MACROD2: variants seen among roughly 807,000 people sequenced by gnomAD.
The protein encoded by MACROD2 is ADP-ribose glycohydrolase MACROD2.
MACROD2 carries 36 observed loss-of-function variants against 70.4 expected under a neutral mutation model. That is an observed-to-expected ratio of 0.51 (90% CI 0.39 to 0.68). MACROD2 has a LOEUF of 0.68. Among genes scored for constraint, MACROD2 ranks in the 30% least tolerant of loss-of-function variants. The pLI is 0.00. For missense variants in MACROD2, 496 were observed against 538.4 expected (o/e 0.92, Z 0.78); for synonymous variants, 172 against 178.8 (o/e 0.96, Z 0.30).
intron 3 of MACROD2, among the ~76,000 whole-genome samples, chr20:14,104,827 G>A (rs1340793061): frequency 3.9e-5 from 6 of 152,148 alleles, no homozygotes; most frequent in African/African-American, 9.7e-5. Context: ...AAACAGCAGC[G>A]TTTATATTAG....
At chr20:15,126,208 T>C (rs992577045) in intron 5 of MACROD2, among the ~76,000 whole-genome samples, 1 of 150,044 alleles carries the variant, frequency 6.7e-6, no homozygotes, top group African/African-American at 2.4e-5. Flanking sequence ...TTATCCTGCA[T>C]ATACACCTAG....
chr20:14,662,725 T>C (rs1318543364), intron 4 of MACROD2, among the ~76,000 whole-genome samples: 1 of 151,686 alleles, frequency 6.6e-6, no homozygotes, highest in Admixed American at 6.5e-5. Context: ...ACAACAATCA[T>C]ATGAATAAAA....
intron 8 of MACROD2, among the ~76,000 whole-genome samples, chr20:15,781,966 A>G (rs2051841441): frequency 6.6e-6 from 1 of 152,264 alleles, no homozygotes; most frequent in Non-Finnish European, 1.5e-5. Flanking sequence ...GGCTAAAGAG[A>G]TAGATTACAG....
chr20:15,098,369 G>A (rs1450090850), intron 5 of MACROD2, among the ~76,000 whole-genome samples: 23 of 152,144 alleles, frequency 1.5e-4, no homozygotes, highest in Admixed American at 1.4e-3. Context: ...CTCTGTAGCT[G>A]CTCTCCTCAT....
intron 4 of MACROD2, among the ~76,000 whole-genome samples, chr20:14,676,626 A>T (rs558442575): frequency 1.3e-5 from 2 of 152,318 alleles, no homozygotes; most frequent in South Asian, 4.1e-4. Flanking sequence ...AAAGATCTAA[A>T]ATCGACACCC....
chr20:15,859,162 T>C (rs933958019), intron 8 of MACROD2, among the ~76,000 whole-genome samples: 2 of 152,020 alleles, frequency 1.3e-5, no homozygotes, highest in Admixed American at 1.3e-4. Context: ...GAGATGGAAG[T>C]GGATCATCAT....
At chr20:14,688,782 A>G (rs138451602) in intron 5 of MACROD2, among the ~76,000 whole-genome samples, 2 of 152,290 alleles carry the variant, frequency 1.3e-5, no homozygotes, top group Non-Finnish European at 2.9e-5. Flanking sequence ...AGATTTGTCT[A>G]TCTCAGTCAG....
intron 1 of MACROD2, among the ~76,000 whole-genome samples, chr20:14,000,978 G>A (rs1248828765): frequency 1.3e-5 from 2 of 152,048 alleles, no homozygotes; most frequent in African/African-American, 4.8e-5. Flanking sequence ...TGTTTACATT[G>A]TTTTGTTAGT....
intron 15 of MACROD2, among the ~76,000 whole-genome samples, chr20:16,030,659 G>A (rs894060613): frequency 6.6e-6 from 1 of 152,140 alleles, no homozygotes; most frequent in Non-Finnish European, 1.5e-5. Context: ...TGAAATGTAA[G>A]AACTAAGGAG....
chr20:15,243,285 A>G (rs994954109), intron 6 of MACROD2, among the ~76,000 whole-genome samples: 3 of 152,178 alleles, frequency 2.0e-5, no homozygotes, highest in African/African-American at 4.8e-5. Flanking sequence ...CCAATGCCCA[A>G]TGTATTTGAC....
rs569140916 is a variant in MACROD2 at position 15,861,427 on chromosome 20, A to G, written c.646-1318A>G. ...TATAGAAAATGCTAATGATAGGCAGATAGGACTGGACACCAGACACGAAAG... is the reference window on the plus strand; with the variant it reads ...TATAGAAAATGCTAATGATAGGCAGGTAGGACTGGACACCAGACACGAAAG... On this transcript the variant is annotated intron_variant, in intron 8 of 17. Coordinates refer to ENST00000684519, the MANE Select transcript of MACROD2 (RefSeq NM_001351661.2). 1.8e-4 allele frequency among the ~76,000 whole-genome samples: 28 copies of G among 152,344 alleles called. No individual in the cohort carries two copies. The East Asian group carries it at 3.9e-3, about 21-fold the overall frequency.
intron 4 of MACROD2, among the ~76,000 whole-genome samples, chr20:14,523,981 G>A (rs1366345278): frequency 6.6e-6 from 1 of 152,148 alleles, no homozygotes; most frequent in Non-Finnish European, 1.5e-5. Flanking sequence ...AGTTAATCTG[G>A]ACATTGTTCT....
chr20:16,028,421 G>A (rs2067109802), intron 15 of MACROD2, among the ~76,000 whole-genome samples: 1 of 148,884 alleles, frequency 6.7e-6, no homozygotes, highest in Admixed American at 6.7e-5. Context: ...TAAATACTGA[G>A]TTCTCTGTAG....
chr20:14,310,788 T>C (rs2082560446), intron 3 of MACROD2, among the ~76,000 whole-genome samples: 1 of 152,140 alleles, frequency 6.6e-6, no homozygotes, highest in Admixed American at 6.5e-5. Context: ...CCTGATCCTT[T>C]TTAGGCCTAG....
chr20:15,726,194 G>A (rs2050860088), intron 8 of MACROD2, among the ~76,000 whole-genome samples: 1 of 151,998 alleles, frequency 6.6e-6, no homozygotes, highest in Non-Finnish European at 1.5e-5. Context: ...TGGTTTTCTG[G>A]TTCTACGTTA....
At chr20:14,891,394 G>A (rs1298511342) in intron 5 of MACROD2, among the ~76,000 whole-genome samples, 1 of 152,090 alleles carries the variant, frequency 6.6e-6, no homozygotes, top group East Asian at 1.9e-4. Context: ...CTTGGTAATT[G>A]AAAGTAAGTC....
intron 5 of MACROD2, among the ~76,000 whole-genome samples, chr20:14,969,398 A>ACACG (rs1422674723): frequency 1.4e-5 from 2 of 144,228 alleles, no homozygotes; most frequent in Non-Finnish European, 3.0e-5. Flanking sequence ...ACACACACAC[A>ACACG]CACATATATA....
chr20:15,828,771 C>T (rs992835424), intron 8 of MACROD2, among the ~76,000 whole-genome samples: 6 of 152,146 alleles, frequency 3.9e-5, no homozygotes, highest in African/African-American at 9.7e-5. Context: ...TTCAGCAACA[C>T]GCTGCTTATA....
chr20:15,915,378 C>G (rs957316230), intron 10 of MACROD2, among the ~76,000 whole-genome samples: 2 of 152,022 alleles, frequency 1.3e-5, no homozygotes, highest in Non-Finnish European at 1.5e-5. Context: ...TCTTATCACT[C>G]AGGAAATTAC....
Sources: allele counts gnomAD v4.1 joint callset (sites outside exome capture counted in the v4.1 genomes callset), GRCh38; gene constraint gnomAD v4.1.1; transcripts MANE v1.5; gene names NCBI Gene and HGNC (gene_info 2026-07-23, HGNC 2026-07-21).